The following SPTB variants were observed in gnomAD, a reference collection of about 807,000 sequenced individuals.
The protein encoded by SPTB is spectrin beta chain, erythrocytic.
In SPTB, 45 loss-of-function variants were observed where a neutral mutation model predicts 256.2. The observed-to-expected ratio is 0.18, with a 90% CI of 0.14 to 0.23. The LOEUF (loss-of-function observed/expected upper bound fraction) is 0.23. Ranked by LOEUF, SPTB falls within the 10% of genes least tolerant of loss-of-function variation. The pLI is 1.00. For synonymous variants in SPTB, 1,231 were observed against 1,243.1 expected, an observed-to-expected ratio of 0.99 and a Z score of 0.21; for missense variants, 2,715 against 3,040.4, an observed-to-expected ratio of 0.89 and a Z score of 2.52.
chr14:64,766,596 G>C, intron 32 of SPTB, 130 bp downstream of exon 32: 2 of 1,605,296 alleles, frequency 1.2e-6, no homozygotes, highest in African/African-American at 1.3e-5. Context: ...TGGCTGCAGG[G>C]ATGTGGGGAG....
chr14:64,747,700 A>G lies in SPTB; in HGVS notation c.*1606T>C, dbSNP rs943221896. 11 of 152,172 alleles carry G rather than the reference A, an allele frequency of 7.2e-5. No individual in the cohort carries two copies. The highest frequency in any genetic ancestry group is 2.4e-4 in the African/African-American group (10 of 41,498). The allele number at this position is 152,172 out of a possible 1,614,324, so 9.4% of individuals were successfully genotyped here. The stretch of plus-strand genomic sequence containing the variant: ...CCTGAACCTCACCCACTTCATCTCC[A>G]TGGAACTAAGGTCCTTCTCACGGGG... On this transcript the variant is annotated 3_prime_UTR_variant, in exon 36 of 36. Coordinates refer to ENST00000644917, the MANE Select transcript of SPTB (RefSeq NM_001355436.2).
chr14:64,820,875 G>A (rs1336219793), intron 2 of SPTB, among the ~76,000 whole-genome samples: 2 of 151,456 alleles, frequency 1.3e-5, no homozygotes, highest in East Asian at 1.9e-4. Context: ...ATGGAGTTTC[G>A]CCCTCTTGGC....
chr14:64,815,565 T>C (rs1290588738), intron 2 of SPTB, among the ~76,000 whole-genome samples: 1 of 152,162 alleles, frequency 6.6e-6, no homozygotes, highest in Non-Finnish European at 1.5e-5. Flanking sequence ...CATTGTTGTC[T>C]TGCATGCAGG....
At chr14:64,754,178 T>G (rs2081991013) in intron 32 of SPTB, 1 of 368,972 alleles carries the variant, frequency 2.7e-6, no homozygotes, top group South Asian at 2.5e-5. Flanking sequence ...CTCCCCTTGC[T>G]GCAGCCAGAC....
At chr14:64,751,065 CATTT>C (rs147174210) in intron 33 of SPTB, among the ~76,000 whole-genome samples, 6,484 of 142,084 alleles carry the variant, frequency 0.046, 206 homozygotes, top group Non-Finnish European at 0.062. Flanking sequence ...TAATATATAA[CATTT>C]ATAGTATATA....
Position 64,793,145 on chromosome 14 carries a change from G to C in SPTB, c.2518C>G (p.Arg840Gly). The C allele has an allele frequency of 6.2e-7, 1 of 1,614,036 alleles. No individual in the cohort carries two copies. The highest frequency in any genetic ancestry group is 8.5e-7 in the Non-Finnish European group (1 of 1,180,036). Reference protein sequence around the residue: ...YQQVVAQADLRQQRLQEALDL... With the variant: ...YQQVVAQADLGQQRLQEALDL... ...AGGGCTTCCTGCAGCCTCTGCTGAC[G>C]CAGGTCCGCCTGGGCCACCACCTGT... The change falls in exon 14 of 36, where the codon CGT becomes GGT. Residue 840 changes from arginine to glycine, a missense_variant. Coordinates refer to ENST00000644917, the MANE Select transcript of SPTB (RefSeq NM_001355436.2). The surrounding 1 kb of genome is among the most constrained non-coding windows in gnomAD (Gnocchi z 7.0).
Position 64,879,853 on chromosome 14 carries a change from G to A in SPTB, c.-113C>T, listed in dbSNP as rs1417513155. The A allele has an allele frequency of 6.5e-6, 1 of 153,526 alleles. No homozygotes were observed. The highest frequency in any genetic ancestry group is 2.0e-4 in the East Asian group (1 of 5,120). 9.5% of individuals were successfully genotyped at this position (153,526 alleles called of 1,614,324 possible). On this transcript the variant is annotated 5_prime_UTR_variant, in exon 1 of 36. Transcript: ENST00000644917. ...GGGGGTGGCGGCGGCGGCGGCGCAG[G>A]GGGAGGAGGGCAGCGCGGGGCTCCT... is the stretch of plus-strand genomic sequence containing the variant.
chr14:64,850,602 C>G (rs550825035), intron 1 of SPTB, among the ~76,000 whole-genome samples: 1 of 152,162 alleles, frequency 6.6e-6, no homozygotes, highest in Non-Finnish European at 1.5e-5. Flanking sequence ...CTCTTGTCCG[C>G]CCAACAATGA....
Position 64,766,794 on chromosome 14 carries a change from CTT to C in SPTB, c.6275_6276del (p.Gln2092ArgfsTer53). The C allele has an allele frequency of 6.2e-7, 1 of 1,611,706 alleles. No homozygotes were observed. Among genetic ancestry groups the C allele is most frequent in the South Asian group, 1.1e-5 (1 of 91,084 alleles). ...AERPAEETGP[Q>X]EEEGETAGEA... ...TCCCCTGCTGTCTCGCCTTCCTCCT[CTT>C]GAGGCCTAAGGAAGACACAGTCTCT... On this transcript the variant is annotated frameshift_variant, in exon 32 of 36. Coordinates refer to ENST00000644917, the MANE Select transcript of SPTB (RefSeq NM_001355436.2). LOFTEE classifies it high-confidence loss of function.
chr14:64,766,957 C>G (rs973961839), intron 31 of SPTB, among the ~76,000 whole-genome samples, 156 bp from the exon 32 acceptor site: 1 of 152,148 alleles, frequency 6.6e-6, no homozygotes, highest in Non-Finnish European at 1.5e-5. Context: ...CAAGGAGCCG[C>G]CCAGCGACTT....
At position 64,872,428 on chromosome 14, in the gene SPTB, G is replaced by A. The variant is rs569143934; in HGVS notation, c.-52+7364C>T. Among the ~76,000 whole-genome samples the A allele has an allele frequency of 4.6e-5, 7 of 152,188 alleles. No homozygotes were observed. The South Asian group carries it at 6.2e-4, about 14-fold the overall frequency. ...CCCACAATCAATCCTCCTTAGGGCC[G>A]CCAGAAAGATCTGCTTGAGACACAA... On this transcript the variant is annotated intron_variant, in intron 1 of 35. Coordinates refer to ENST00000644917, the MANE Select transcript of SPTB (RefSeq NM_001355436.2).
At chr14:64,753,128 G>A (rs527565558) in intron 33 of SPTB, among the ~76,000 whole-genome samples, 2 of 152,260 alleles carry the variant, frequency 1.3e-5, no homozygotes, top group African/African-American at 2.4e-5. Flanking sequence ...GATGTTGTTA[G>A]TGCCAAGACC....
chr14:64,790,138 G>A lies in SPTB; in HGVS notation c.2804+1581C>T, dbSNP rs1364318520. Among the ~76,000 whole-genome samples, 1 of 152,140 alleles carries A rather than the reference G, an allele frequency of 6.6e-6. No individual in the cohort carries two copies. The highest frequency in any genetic ancestry group is 1.5e-5 in the Non-Finnish European group (1 of 68,036). The stretch of plus-strand genomic sequence containing the variant: ...AAAATGAGATAGGCTGCCGGGTGAG[G>A]GAGTGAGTTCCCCATCACTGGCTAG... On this transcript the variant is annotated intron_variant, in intron 15 of 35. Coordinates refer to ENST00000644917, the MANE Select transcript of SPTB (RefSeq NM_001355436.2). This position sits in a 1 kb window ranked among gnomAD's most constrained non-coding sequence, Gnocchi z 4.8.
At position 64,760,731 on chromosome 14, in the gene SPTB, T is replaced by C. The variant is rs2082081174; in HGVS notation, c.6345+5995A>G. 6.6e-6 allele frequency among the ~76,000 whole-genome samples: 1 copy of C among 152,170 alleles called. No homozygotes were observed. The highest frequency in any genetic ancestry group is 2.1e-4 in the South Asian group (1 of 4,826). Reference sequence around the variant, plus strand: ...TCAGTGCCAGCTGCTCTACCTACATTGTCTCTTCCAATCCTCCCAGCCTCT... The same window carrying C: ...TCAGTGCCAGCTGCTCTACCTACATCGTCTCTTCCAATCCTCCCAGCCTCT... On this transcript the variant is annotated intron_variant, in intron 32 of 35. Transcript: ENST00000644917. The surrounding 1 kb of genome is among the most constrained non-coding windows in gnomAD (Gnocchi z 4.3).
intron 1 of SPTB, among the ~76,000 whole-genome samples, chr14:64,867,859 CAA>C (rs35825614): frequency 1.6e-5 from 2 of 124,084 alleles, no homozygotes; most frequent in African/African-American, 3.9e-5. Context: ...GACTCTGTCT[CAA>C]AAAAAAAAAA....
rs776164066 is a variant in SPTB, at chr14:64,844,667, G to C, written c.-51-21522C>G. ...GCAATTCACATTAACATTTAGCAGG[G>C]CTTTAATTGAAAAGTAACATGAAGA... is the stretch of plus-strand genomic sequence containing the variant. On this transcript the variant is annotated intron_variant, in intron 1 of 35. Coordinates refer to ENST00000644917, the MANE Select transcript of SPTB (RefSeq NM_001355436.2). This position sits in a 1 kb window ranked among gnomAD's most constrained non-coding sequence, Gnocchi z 4.1. Among the ~76,000 whole-genome samples, 9 of 152,146 alleles carry C rather than the reference G, an allele frequency of 5.9e-5. No homozygotes were observed. The highest frequency in any genetic ancestry group is 1.3e-4 in the Non-Finnish European group (9 of 68,028).
intron 33 of SPTB, among the ~76,000 whole-genome samples, chr14:64,751,100 ATATATATAATATATAATATT>A (rs2081943680): frequency 6.8e-6 from 1 of 146,226 alleles, no homozygotes; most frequent in Admixed American, 6.9e-5. Context: ...ATTATACATA[ATATATATAATATATAATATT>A]TATATATAAT....
At position 64,779,146 on chromosome 14, in the gene SPTB, G is replaced by A. The variant is rs368290807; in HGVS notation, c.4563+11C>T. ...GGGTGGGTGGGGCTGGTGAGGTGAC[G>A]CAGGACTCACCTGGTTCTTCTTCAT... On this transcript the variant is annotated intron_variant, in intron 22 of 35. Transcript: ENST00000644917. This position sits in a 1 kb window ranked among gnomAD's most constrained non-coding sequence, Gnocchi z 4.2. The A allele has an allele frequency of 9.7e-5, 157 of 1,610,706 alleles. No homozygotes were observed. The African/African-American group carries it at 1.6e-3, about 16-fold the overall frequency.
chr14:64,756,198 C>G (rs1287203495), intron 32 of SPTB: 1 of 152,254 alleles, frequency 6.6e-6, no homozygotes, highest in Non-Finnish European at 1.5e-5. Context: ...TGTATTGTCT[C>G]TGCTGCTACC....
Sources: allele counts gnomAD v4.1 joint callset (sites outside exome capture counted in the v4.1 genomes callset), GRCh38; gene constraint gnomAD v4.1.1; non-coding constraint Gnocchi (gnomAD v3.1); transcripts MANE v1.5; gene names NCBI Gene and HGNC (gene_info 2026-07-23, HGNC 2026-07-21).